The following RGS6 variants were observed in gnomAD, a reference collection of about 807,000 sequenced individuals.
The protein encoded by RGS6 is regulator of G-protein signaling 6.
In RGS6, 30 loss-of-function variants were observed where a neutral mutation model predicts 78.5. The observed-to-expected ratio is 0.38, with a 90% CI of 0.29 to 0.52. The LOEUF (loss-of-function observed/expected upper bound fraction) is 0.52, where lower values mean the gene tolerates loss of function less well. Ranked by LOEUF, RGS6 falls within the 20% of genes least tolerant of loss-of-function variation. The probability of loss-of-function intolerance (pLI) is 0.85; values close to 1 mark genes in which losing one functional copy is unlikely to be tolerated. For synonymous variants in RGS6, 206 were observed against 206.0 expected (o/e 1.00, Z 0.00); for missense variants, 495 against 609.7 (o/e 0.81, Z 1.98).
At chr14:72,398,289 T>G (rs973198854) in intron 3 of RGS6, among the ~76,000 whole-genome samples, 3 of 152,208 alleles carry the variant, frequency 2.0e-5, no homozygotes, top group African/African-American at 7.2e-5. Context: ...GGAGAGTGTA[T>G]GTGTTGAGGA....
rs183645062 is a variant in RGS6, at chr14:71,996,014, A to C, written c.84+31139A>C. Among the ~76,000 whole-genome samples the C allele has an allele frequency of 2.4e-4, 36 of 152,270 alleles. No individual in the cohort carries two copies. In the East Asian group the frequency reaches 7.0e-3, roughly 29 times the overall value. On this transcript the variant is annotated intron_variant, in intron 2 of 17. Transcript: ENST00000553525. The stretch of plus-strand genomic sequence containing the variant: ...GCACAGCTTGGTGACTGGCCTCCCG[A>C]GGCCTTCCGAGTCACCGGGGGATCC...
chr14:72,397,728 A>G (rs896356764), intron 3 of RGS6, among the ~76,000 whole-genome samples: 17 of 152,228 alleles, frequency 1.1e-4, no homozygotes, highest in Non-Finnish European at 1.8e-4. Context: ...CATCCCATCA[A>G]TACCTAATTT....
chr14:72,526,953 G>T (rs750572857), intron 15 of RGS6, among the ~76,000 whole-genome samples: 13 of 152,174 alleles, frequency 8.5e-5, no homozygotes, highest in Non-Finnish European at 1.3e-4. Flanking sequence ...AGGACCTTTG[G>T]TCAAACATAT....
chr14:72,177,065 AT>A (rs967415722), intron 2 of RGS6, among the ~76,000 whole-genome samples: 28 of 152,062 alleles, frequency 1.8e-4, no homozygotes, highest in African/African-American at 5.8e-4. Context: ...TGCATGTATC[AT>A]TTTTTTAATG....
intron 2 of RGS6, among the ~76,000 whole-genome samples, chr14:72,281,351 G>C (rs777435914): frequency 6.6e-6 from 1 of 151,894 alleles, no homozygotes; most frequent in South Asian, 2.1e-4. Context: ...GTTTCTCCAT[G>C]TTGGCCAGGC....
At chr14:72,111,915 C>G (rs528424709) in intron 2 of RGS6, among the ~76,000 whole-genome samples, 7 of 152,320 alleles carry the variant, frequency 4.6e-5, no homozygotes, top group African/African-American at 1.7e-4. Context: ...TGTTTCTTAA[C>G]TAAACATGTT....
At chr14:72,168,248 C>T (rs758680638) in intron 2 of RGS6, among the ~76,000 whole-genome samples, 44 of 152,100 alleles carry the variant, frequency 2.9e-4, no homozygotes, top group Non-Finnish European at 5.7e-4. Flanking sequence ...GCCTACATGT[C>T]GAGGATCCAC....
intron 2 of RGS6, among the ~76,000 whole-genome samples, chr14:72,215,239 C>G (rs934719329): frequency 6.6e-6 from 1 of 152,198 alleles, no homozygotes; most frequent in African/African-American, 2.4e-5. Context: ...TCTTGACTTC[C>G]AGCCAATCAG....
chr14:72,088,322 C>G (rs2095132946), intron 2 of RGS6, among the ~76,000 whole-genome samples: 1 of 152,196 alleles, frequency 6.6e-6, no homozygotes, highest in Non-Finnish European at 1.5e-5. Flanking sequence ...CATTATCACA[C>G]AAATGTGTTT....
At chr14:72,000,255 G>A (rs966127988) in intron 2 of RGS6, among the ~76,000 whole-genome samples, 5 of 152,230 alleles carry the variant, frequency 3.3e-5, no homozygotes, top group African/African-American at 9.6e-5. Flanking sequence ...AAAGGAAGAA[G>A]TGGACATGAG....
chr14:72,464,182 T>C (rs575255719), intron 6 of RGS6, among the ~76,000 whole-genome samples: 8 of 152,374 alleles, frequency 5.3e-5, no homozygotes, highest in Non-Finnish European at 7.3e-5. Flanking sequence ...TACTTTTTCC[T>C]GTTATCTCAC....
chr14:71,997,411 A>T (rs1214428776), intron 2 of RGS6, among the ~76,000 whole-genome samples: 1 of 152,218 alleles, frequency 6.6e-6, no homozygotes, highest in African/African-American at 2.4e-5. Flanking sequence ...ACTCATTGGC[A>T]TAGAGGGTCA....
chr14:72,025,449 G>T (rs2089652573), intron 2 of RGS6, among the ~76,000 whole-genome samples: 1 of 152,098 alleles, frequency 6.6e-6, no homozygotes, highest in Non-Finnish European at 1.5e-5. Context: ...AGGCATAAAA[G>T]ATATTAATGT....
upstream of RGS6, among the ~76,000 whole-genome samples, chr14:71,930,977 C>CAAAAAAAAAAAAAAAAAAAAA (rs58649273): frequency 6.0e-5 from 1 of 16,648 alleles, no homozygotes; most frequent in African/African-American, 1.5e-4. Flanking sequence ...AACTACGTCT[C>CAAAAAAAAAAAAAAAAAAAAA]AAAAAAAAAA....
At chr14:72,406,123 A>G (rs574109038) in intron 3 of RGS6, among the ~76,000 whole-genome samples, 160 of 152,344 alleles carry the variant, frequency 1.1e-3, no homozygotes, top group African/African-American at 3.8e-3. Flanking sequence ...ACAGTGGCTC[A>G]TGCCTGTAAT....
At chr14:71,870,879 GC>G in the RGS6 span, among the ~76,000 whole-genome samples, 1 of 152,316 alleles carries the variant, frequency 6.6e-6, no homozygotes, top group East Asian at 1.9e-4. Context: ...GAGGCCTTGG[GC>G]CTCCCATCCC....
At chr14:72,325,837 TA>T (rs530409566) in intron 2 of RGS6, among the ~76,000 whole-genome samples, 22 of 148,200 alleles carry the variant, frequency 1.5e-4, no homozygotes, top group East Asian at 3.9e-4. Flanking sequence ...GATGCTGATT[TA>T]AAAAAAAAAG....
At chr14:72,393,867 C>T (rs1010008462) in intron 3 of RGS6, among the ~76,000 whole-genome samples, 1 of 152,136 alleles carries the variant, frequency 6.6e-6, no homozygotes, top group Non-Finnish European at 1.5e-5. Flanking sequence ...AATGATCCTA[C>T]AAATTACAGG....
intron 2 of RGS6, among the ~76,000 whole-genome samples, chr14:72,179,255 C>T (rs1567393835): frequency 1.3e-5 from 2 of 152,222 alleles, no homozygotes; most frequent in African/African-American, 4.8e-5. Flanking sequence ...GCCTAATCTG[C>T]ATATGAGTGC....
Sources: gnomAD v4.1 joint callset for allele counts (sites outside exome capture counted in the v4.1 genomes callset) on GRCh38, gnomAD v4.1.1 for gene constraint, MANE v1.5 for transcripts, NCBI Gene and HGNC (gene_info 2026-07-23, HGNC 2026-07-21) for gene names.